The following MACROD2 variants were observed in gnomAD, a reference collection of about 807,000 sequenced individuals.
The protein encoded by MACROD2 is mono-ADP ribosylhydrolase 2.
MACROD2 carries 36 observed loss-of-function variants against 70.4 expected under a neutral mutation model. That is an observed-to-expected ratio of 0.51 (90% CI 0.39 to 0.68). The LOEUF is 0.68. Among genes scored for constraint, MACROD2 ranks in the 30% least tolerant of loss-of-function variants. MACROD2 has a pLI of 0.00. For synonymous variants in MACROD2, 172 were observed against 178.8 expected, an observed-to-expected ratio of 0.96 and a Z score of 0.30; for missense variants, 496 against 538.4, an observed-to-expected ratio of 0.92 and a Z score of 0.78.
At chr20:15,489,366 C>A (rs973503828) in intron 7 of MACROD2, among the ~76,000 whole-genome samples, 1 of 152,084 alleles carries the variant, frequency 6.6e-6, no homozygotes, top group African/African-American at 2.4e-5. Context: ...TAAGACAGGA[C>A]CATGGGGAAA....
intron 5 of MACROD2, among the ~76,000 whole-genome samples, chr20:14,883,249 T>G (rs1416165459): frequency 6.6e-6 from 1 of 152,194 alleles, no homozygotes; most frequent in Non-Finnish European, 1.5e-5. Flanking sequence ...TAAGTTAGAT[T>G]CATGAAAAAC....
At chr20:15,343,835 C>T (rs573125755) in intron 6 of MACROD2, among the ~76,000 whole-genome samples, 11 of 152,254 alleles carry the variant, frequency 7.2e-5, no homozygotes, top group East Asian at 3.9e-4. Context: ...CTGTAACATC[C>T]GTCATGTTAC....
intron 3 of MACROD2, among the ~76,000 whole-genome samples, chr20:14,279,399 T>A (rs1184609637): frequency 1.3e-5 from 2 of 152,180 alleles, no homozygotes; most frequent in Non-Finnish European, 2.9e-5. Flanking sequence ...TTCTACTCTG[T>A]GAATTGCAGT....
chr20:15,189,383 C>G (rs545501364), intron 5 of MACROD2, among the ~76,000 whole-genome samples: 1 of 151,934 alleles, frequency 6.6e-6, no homozygotes, highest in East Asian at 1.9e-4. Flanking sequence ...CGCACATACA[C>G]AGAGAGAGAA....
intron 5 of MACROD2, among the ~76,000 whole-genome samples, chr20:14,872,742 G>C (rs1420582454): frequency 1.3e-5 from 2 of 152,082 alleles, no homozygotes; most frequent in Non-Finnish European, 2.9e-5. Flanking sequence ...AAGTGACTTA[G>C]TTTGTTTTCA....
At position 15,281,556 on chromosome 20, in the gene MACROD2, C is replaced by T. The variant is rs141280713; in HGVS notation, c.540+51495C>T. Among the ~76,000 whole-genome samples, 671 of 152,286 alleles carry T rather than the reference C, an allele frequency of 4.4e-3. 7 individuals are homozygous for T. The highest frequency in any genetic ancestry group is 0.016 in the African/African-American group (648 of 41,568). ...AAATCCAATAGAGCCCTCATTAAAC[C>T]TCAAAGTTCCAAAATTATCTCCTTT... On this transcript the variant is annotated intron_variant, in intron 6 of 17. Transcript: ENST00000684519.
chr20:15,451,176 G>A (rs565088804), intron 7 of MACROD2, among the ~76,000 whole-genome samples: 40 of 152,036 alleles, frequency 2.6e-4, no homozygotes, highest in Non-Finnish European at 4.0e-4. Context: ...CCATTTGCCC[G>A]TGATTAGCAT....
chr20:14,862,957 G>T (rs536623983), intron 5 of MACROD2, among the ~76,000 whole-genome samples: 1 of 151,348 alleles, frequency 6.6e-6, no homozygotes, highest in Non-Finnish European at 1.5e-5. Flanking sequence ...TGGATGCCAC[G>T]GCTTCCTCCT....
At chr20:15,948,147 A>G (rs1225047818) in intron 12 of MACROD2, among the ~76,000 whole-genome samples, 3 of 152,118 alleles carry the variant, frequency 2.0e-5, no homozygotes, top group African/African-American at 7.2e-5. Flanking sequence ...AGGTGACTGC[A>G]TCCACCTTTA....
At chr20:16,005,770 C>T (rs1278647046) in intron 15 of MACROD2, among the ~76,000 whole-genome samples, 1 of 152,194 alleles carries the variant, frequency 6.6e-6, no homozygotes, top group Non-Finnish European at 1.5e-5. Context: ...GCTCTCTAAG[C>T]TTGTGTGTCC....
intron 8 of MACROD2, among the ~76,000 whole-genome samples, chr20:15,799,549 CT>C (rs2063705204): frequency 6.6e-6 from 1 of 152,168 alleles, no homozygotes; most frequent in African/African-American, 2.4e-5. Flanking sequence ...CAGTATTTGT[CT>C]TTTTGTGTCT....
Position 15,082,798 on chromosome 20 carries a change from T to C in MACROD2, c.419-147142T>C, listed in dbSNP as rs116550323. Among the ~76,000 whole-genome samples, 99 of 152,272 alleles carry C rather than the reference T, an allele frequency of 6.5e-4. No individual in the cohort carries two copies. In the Middle Eastern group the frequency reaches 0.017, roughly 26 times the overall value. On this transcript the variant is annotated intron_variant, in intron 5 of 17. Coordinates refer to ENST00000684519, the MANE Select transcript of MACROD2 (RefSeq NM_001351661.2). ...TTCTTTTCTGTTCGCATTCTCTCAC[T>C]GAGAATTCTCTTTGATAGGGTGGAT...
chr20:15,572,686 C>T (rs866683694), intron 8 of MACROD2, among the ~76,000 whole-genome samples: 4 of 151,938 alleles, frequency 2.6e-5, no homozygotes, highest in Admixed American at 6.6e-5. Context: ...ATAAGTATTT[C>T]GCATGAATGC....
chr20:14,979,335 T>C (rs1410594564), intron 5 of MACROD2, among the ~76,000 whole-genome samples: 1 of 152,164 alleles, frequency 6.6e-6, no homozygotes, highest in Non-Finnish European at 1.5e-5. Context: ...TTTCATGGCT[T>C]GACATAAAAT....
intron 6 of MACROD2, among the ~76,000 whole-genome samples, chr20:15,247,176 C>A (rs1416013425): frequency 6.6e-6 from 1 of 152,074 alleles, no homozygotes; most frequent in African/African-American, 2.4e-5. Context: ...TGTTAAATGG[C>A]AAATTTTATG....
At chr20:14,706,151 T>A (rs1053704318) in intron 5 of MACROD2, among the ~76,000 whole-genome samples, 4 of 151,914 alleles carry the variant, frequency 2.6e-5, no homozygotes, top group Non-Finnish European at 4.4e-5. Context: ...CCGTCTCTAC[T>A]AAAAATACAA....
At chr20:14,337,378 T>A in intron 3 of MACROD2, 3 of 272,968 alleles carry the variant, frequency 1.1e-5, no homozygotes, top group Middle Eastern at 9.3e-4. Flanking sequence ...GGGACAATCA[T>A]AAGAAAAAAC....
chr20:14,495,173 T>C (rs1279746158), intron 4 of MACROD2, among the ~76,000 whole-genome samples: 1 of 139,090 alleles, frequency 7.2e-6, no homozygotes, highest in Non-Finnish European at 1.5e-5. Flanking sequence ...TTAAAGGAGA[T>C]ATAAATGTAT....
chr20:15,620,261 A>G (rs1306370986), intron 8 of MACROD2, among the ~76,000 whole-genome samples: 1 of 152,062 alleles, frequency 6.6e-6, no homozygotes, highest in Non-Finnish European at 1.5e-5. Context: ...GGTGGAAGAG[A>G]ATGAAGTTTT....
Sources: allele counts gnomAD v4.1 joint callset (sites outside exome capture counted in the v4.1 genomes callset), GRCh38; gene constraint gnomAD v4.1.1; transcripts MANE v1.5; gene names NCBI Gene and HGNC (gene_info 2026-07-23, HGNC 2026-07-21).